Variants in CACNA2D3 observed in about 807,000 individuals in gnomAD.
The protein encoded by CACNA2D3 is calcium voltage-gated channel auxiliary subunit alpha2delta 3, also known as voltage-dependent calcium channel subunit alpha-2/delta-3.
A neutral mutation model predicts 160.6 loss-of-function variants in CACNA2D3; 60 were observed. The ratio of observed to expected loss-of-function variants is 0.37; its 90% CI spans 0.30 to 0.46. CACNA2D3 has a LOEUF of 0.46. CACNA2D3 is among the 20% of genes least tolerant of loss of function. The pLI is 1.00. For missense variants in CACNA2D3, 1,205 were observed against 1,365.0 expected (o/e 0.88, Z 1.85); for synonymous variants, 558 against 492.9 (o/e 1.13, Z -1.75).
intron 14 of CACNA2D3, 41 bp downstream of exon 14, chr3:54,816,911 C>T (rs781570405): frequency 6.2e-7 from 1 of 1,609,986 alleles, no homozygotes; most frequent in Non-Finnish European, 8.5e-7. Context: ...CCCCAGAACT[C>T]ACGAGTCATG....
chr3:54,677,726 T>C (rs964858579), intron 11 of CACNA2D3, among the ~76,000 whole-genome samples: 10 of 152,124 alleles, frequency 6.6e-5, no homozygotes, highest in African/African-American at 2.4e-4. Context: ...AGTTGATTCA[T>C]TATTTGGGTG....
intron 2 of CACNA2D3, among the ~76,000 whole-genome samples, chr3:54,218,000 T>G (rs992607707): frequency 2.0e-5 from 3 of 150,088 alleles, no homozygotes; most frequent in African/African-American, 7.4e-5. Flanking sequence ...AAAGAGGTGT[T>G]AGAGGTGTAT....
At chr3:54,476,046 AT>A (rs35383482) in intron 4 of CACNA2D3, among the ~76,000 whole-genome samples, 7 of 135,204 alleles carry the variant, frequency 5.2e-5, no homozygotes, top group African/African-American at 8.2e-5. Flanking sequence ...TGTAAGTTTG[AT>A]TTTTTTTTTT....
intron 4 of CACNA2D3, among the ~76,000 whole-genome samples, chr3:54,462,840 C>A (rs1700533138): frequency 6.6e-6 from 1 of 150,894 alleles, no homozygotes; most frequent in Non-Finnish European, 1.5e-5. Context: ...GGTGATTTTG[C>A]TCATTAGTTG....
At chr3:54,967,360 A>G (rs141735094) in intron 27 of CACNA2D3, among the ~76,000 whole-genome samples, 3,470 of 152,316 alleles carry the variant, frequency 0.023, 164 homozygotes, top group Admixed American at 0.12. Flanking sequence ...AGTGGCACGC[A>G]AAATTTTTAG....
chr3:54,139,512 G>A (rs1203901238), intron 2 of CACNA2D3, among the ~76,000 whole-genome samples: 1 of 152,228 alleles, frequency 6.6e-6, no homozygotes, highest in Non-Finnish European at 1.5e-5. Context: ...TCTCCCAGGA[G>A]CCCTTGTACC....
intron 13 of CACNA2D3, among the ~76,000 whole-genome samples, chr3:54,790,402 A>G (rs1235313616): frequency 2.0e-5 from 3 of 152,224 alleles, no homozygotes; most frequent in African/African-American, 2.4e-5. Context: ...CCATGTGAAA[A>G]GGAAAAGGTT....
chr3:54,601,580 T>C lies in CACNA2D3; in HGVS notation c.963+19703T>C, dbSNP rs1703061207. Among the ~76,000 whole-genome samples the C allele has an allele frequency of 2.0e-5, 3 of 152,068 alleles. No individual in the cohort carries two copies. In the South Asian group the frequency reaches 6.2e-4, roughly 32 times the overall value. ...ATCAGAACCTCTCAGCCTGGAGGCC[T>C]AGGATGTTTTTAACAAGCTTCCAAG... On this transcript the variant is annotated intron_variant, in intron 9 of 37. Transcript: ENST00000474759.
intron 27 of CACNA2D3, among the ~76,000 whole-genome samples, chr3:54,946,829 A>T (rs1701626493): frequency 6.6e-6 from 1 of 152,112 alleles, no homozygotes; most frequent in African/African-American, 2.4e-5. Flanking sequence ...AAAAAAAAAA[A>T]AATGATGGGA....
intron 5 of CACNA2D3, among the ~76,000 whole-genome samples, chr3:54,531,978 C>A (rs1404358501): frequency 6.6e-6 from 1 of 152,192 alleles, no homozygotes; most frequent in African/African-American, 2.4e-5. Context: ...GGTGTCTTGC[C>A]TCTCCGCGAG....
chr3:54,439,174 G>A (rs186383668), intron 4 of CACNA2D3, among the ~76,000 whole-genome samples: 1 of 152,100 alleles, frequency 6.6e-6, no homozygotes, highest in Non-Finnish European at 1.5e-5. Context: ...CCATCTTCGG[G>A]TTATCACAGC....
At chr3:54,726,596 C>G (rs1387055101) in intron 11 of CACNA2D3, among the ~76,000 whole-genome samples, 1 of 152,078 alleles carries the variant, frequency 6.6e-6, no homozygotes, top group Non-Finnish European at 1.5e-5. Flanking sequence ...ACAGAGGCCT[C>G]GGAAATAACA....
At chr3:54,386,802 G>A in intron 4 of CACNA2D3, 28 bp downstream of exon 4, 1 of 1,547,360 alleles carries the variant, frequency 6.5e-7, no homozygotes, top group Non-Finnish European at 8.8e-7. Flanking sequence ...GAGTTAAATT[G>A]TTTTGTGTGT....
At chr3:54,295,496 A>G (rs536938187) in intron 2 of CACNA2D3, among the ~76,000 whole-genome samples, 3 of 152,206 alleles carry the variant, frequency 2.0e-5, no homozygotes, top group Non-Finnish European at 4.4e-5. Flanking sequence ...TCCATCAAAT[A>G]TATGTAGGAT....
chr3:54,419,716 A>C (rs1699808928), intron 4 of CACNA2D3, among the ~76,000 whole-genome samples: 1 of 152,154 alleles, frequency 6.6e-6, no homozygotes. Flanking sequence ...GCTCTTAGAC[A>C]TATCTTAGCA....
Position 54,332,063 on chromosome 3 carries a change from G to A in CACNA2D3, c.321+11505G>A, listed in dbSNP as rs537451505. On this transcript the variant is annotated intron_variant, in intron 3 of 37. Coordinates refer to ENST00000474759, the MANE Select transcript of CACNA2D3 (RefSeq NM_018398.3). ...GAATATGTGGCACTTATCTCTCTGCGCAGGCACCTTATAGAAAAAATAATT... is the reference window on the plus strand; with the variant it reads ...GAATATGTGGCACTTATCTCTCTGCACAGGCACCTTATAGAAAAAATAATT... Among the ~76,000 whole-genome samples the A allele has an allele frequency of 3.9e-5, 6 of 152,242 alleles. No individual in the cohort carries two copies. In the East Asian group the frequency reaches 9.6e-4, roughly 24 times the overall value.
chr3:54,822,725 TTTTA>T (rs1230644129), intron 14 of CACNA2D3, among the ~76,000 whole-genome samples: 4 of 151,130 alleles, frequency 2.6e-5, no homozygotes, highest in African/African-American at 9.7e-5. Flanking sequence ...TGCATTTCTT[TTTTA>T]TTTTCTTTCT....
At chr3:54,327,725 A>G (rs980178264) in intron 3 of CACNA2D3, among the ~76,000 whole-genome samples, 1 of 152,208 alleles carries the variant, frequency 6.6e-6, no homozygotes, top group Non-Finnish European at 1.5e-5. Flanking sequence ...TGAAGAAATA[A>G]GTTTCAAACA....
chr3:54,923,649 G>C (rs942385059), intron 27 of CACNA2D3, among the ~76,000 whole-genome samples: 3 of 152,226 alleles, frequency 2.0e-5, no homozygotes, highest in African/African-American at 7.2e-5. Context: ...CATACAAAAG[G>C]CACTCAAATA....
Sources: gnomAD v4.1 joint callset for allele counts (sites outside exome capture counted in the v4.1 genomes callset) on GRCh38, gnomAD v4.1.1 for gene constraint, MANE v1.5 for transcripts, NCBI Gene and HGNC (gene_info 2026-07-23, HGNC 2026-07-21) for gene names.